The following SLC26A7 variants were observed in gnomAD, a reference collection of about 807,000 sequenced individuals.
SLC26A7 encodes solute carrier family 26 member 7, also known as anion exchange transporter.
Under a neutral mutation model 82.5 loss-of-function variants are expected in SLC26A7, and 59 were observed. The observed-to-expected ratio is 0.72, with a 90% CI of 0.58 to 0.89. The LOEUF (loss-of-function observed/expected upper bound fraction) is 0.89, where lower values mean the gene tolerates loss of function less well. Among genes scored for constraint, SLC26A7 ranks in the 40% least tolerant of loss-of-function variants. The pLI, the probability that SLC26A7 is intolerant of heterozygous loss-of-function variation, is 0.00. For synonymous variants in SLC26A7, 271 were observed against 274.3 expected (o/e 0.99, Z 0.12); for missense variants, 820 against 793.0 (o/e 1.03, Z -0.41).
At chr8:91,315,997 G>T (rs1812619371) in intron 4 of SLC26A7, among the ~76,000 whole-genome samples, 1 of 152,266 alleles carries the variant, frequency 6.6e-6, no homozygotes, top group Admixed American at 6.5e-5. Flanking sequence ...ACAAACCTAG[G>T]ATGTGGTAGA....
At chr8:91,279,125 G>GTGTGTATATATATATATATA (rs1382744780) in intron 2 of SLC26A7, among the ~76,000 whole-genome samples, 1 of 111,262 alleles carries the variant, frequency 9.0e-6, no homozygotes, top group Non-Finnish European at 1.7e-5. Flanking sequence ...GTGTGTGTGT[G>GTGTGTATATATATATATATA]TATATATATA....
At chr8:91,390,010 A>G (rs961905067) in intron 16 of SLC26A7, among the ~76,000 whole-genome samples, 1 of 152,176 alleles carries the variant, frequency 6.6e-6, no homozygotes, top group Non-Finnish European at 1.5e-5. Flanking sequence ...TAAAACTGAC[A>G]TAGCTTCCAA....
chr8:91,385,446 T>C (rs1288529164), intron 15 of SLC26A7, among the ~76,000 whole-genome samples: 1 of 152,226 alleles, frequency 6.6e-6, no homozygotes, highest in African/African-American at 2.4e-5. Context: ...TAAATTTTCA[T>C]TTGGGTGAAT....
intron 14 of SLC26A7, 64 bp from the exon 15 acceptor site, chr8:91,369,721 A>G (rs142599083): frequency 0.021 from 26,120 of 1,248,912 alleles, 308 homozygotes; most frequent in Middle Eastern, 0.027. Flanking sequence ...GAATTATGTG[A>G]TTTTTTTCAG....
In SLC26A7 at chr8:91,293,702, G is replaced by A. The variant is rs140589335; in HGVS notation, c.305-1829G>A. On this transcript the variant is annotated intron_variant, in intron 3 of 18. Coordinates refer to ENST00000276609, the MANE Select transcript of SLC26A7 (RefSeq NM_052832.4). ...TTCCTCCAAATCCCAGGAAAAACAGGCCTAAATTAAAAAATTAACTCATCT... is the reference window on the plus strand; with the variant it reads ...TTCCTCCAAATCCCAGGAAAAACAGACCTAAATTAAAAAATTAACTCATCT... 6.4e-4 allele frequency among the ~76,000 whole-genome samples: 98 copies of A among 152,190 alleles called. 1 individual carries two copies. Among genetic ancestry groups the A allele is most frequent in the African/African-American group, 2.2e-3 (92 of 41,516 alleles).
intron 2 of SLC26A7, among the ~76,000 whole-genome samples, chr8:91,235,729 A>T (rs1233214877): frequency 6.6e-6 from 1 of 152,218 alleles, no homozygotes; most frequent in Non-Finnish European, 1.5e-5. Context: ...ACTTCCAACA[A>T]TCATTGATTA....
At chr8:91,351,736 C>A in intron 9 of SLC26A7, 74 bp from the exon 10 acceptor site, 1 of 919,860 alleles carries the variant, frequency 1.1e-6, no homozygotes, top group Non-Finnish European at 1.8e-6. Flanking sequence ...ATTATCCCCC[C>A]CACCCCATAA....
At chr8:91,329,145 G>T (rs79427978) in intron 5 of SLC26A7, among the ~76,000 whole-genome samples, 3 of 152,120 alleles carry the variant, frequency 2.0e-5, no homozygotes, top group Non-Finnish European at 4.4e-5. Flanking sequence ...GCATGATAGT[G>T]TATTCAGATG....
At chr8:91,317,785 A>G in intron 4 of SLC26A7, among the ~76,000 whole-genome samples, 1 of 152,056 alleles carries the variant, frequency 6.6e-6, no homozygotes, top group South Asian at 2.1e-4. Flanking sequence ...ACATAGACCC[A>G]TACATTAAAC....
chr8:91,291,485 A>G (rs1431085445), intron 3 of SLC26A7, among the ~76,000 whole-genome samples: 1 of 152,212 alleles, frequency 6.6e-6, no homozygotes, highest in Non-Finnish European at 1.5e-5. Flanking sequence ...ATTTAAACAT[A>G]TCCTTAGCAA....
chr8:91,367,988 T>A (rs1814243944), intron 14 of SLC26A7, among the ~76,000 whole-genome samples: 2 of 152,228 alleles, frequency 1.3e-5, no homozygotes, highest in African/African-American at 4.8e-5. Context: ...CAGGATCAGA[T>A]ACGTAATTTA....
intron 5 of SLC26A7, among the ~76,000 whole-genome samples, chr8:91,333,381 T>C (rs1405033638): frequency 1.3e-5 from 2 of 152,230 alleles, no homozygotes; most frequent in East Asian, 3.8e-4. Flanking sequence ...CAAGCAGGGC[T>C]GCACACTTTT....
intron 12 of SLC26A7, among the ~76,000 whole-genome samples, chr8:91,363,050 A>T (rs749710908): frequency 8.3e-4 from 126 of 152,184 alleles, no homozygotes; most frequent in Admixed American, 3.3e-3. Context: ...GAAATAATGT[A>T]TTCTAAAAAA....
In SLC26A7 at chr8:91,349,259, A is replaced by G. The variant is rs149102457; in HGVS notation, c.1141-2551A>G. Among the ~76,000 whole-genome samples, 8 of 152,290 alleles carry G rather than the reference A, an allele frequency of 5.3e-5. 1 individual carries two copies. In the East Asian group the frequency reaches 1.4e-3, roughly 26 times the overall value. On this transcript the variant is annotated intron_variant, in intron 9 of 18. Coordinates refer to ENST00000276609, the MANE Select transcript of SLC26A7 (RefSeq NM_052832.4). ...AACATAACCCATTTGCTTATGGTCT[A>G]TTTCATTACATGACTTACCATTTAA...
chr8:91,363,856 C>A (rs1206414717), intron 13 of SLC26A7, among the ~76,000 whole-genome samples: 5 of 151,614 alleles, frequency 3.3e-5, no homozygotes, highest in Admixed American at 3.3e-4. Context: ...AGTAATCAAA[C>A]TAAACTGATA....
At position 91,271,590 on chromosome 8, in the gene SLC26A7, C is replaced by CTTT. The variant is rs67904308; in HGVS notation, c.194-17526_194-17524dup. 1.2e-3 allele frequency among the ~76,000 whole-genome samples: 140 copies of CTTT among 113,688 alleles called. 1 individual carries two copies. Among genetic ancestry groups the CTTT allele is most frequent in the African/African-American group, 1.8e-3 (54 of 29,224 alleles). 74.6% of individuals were successfully genotyped at this position (113,688 alleles called of 152,430 possible). On this transcript the variant is annotated intron_variant, in intron 2 of 18. Transcript: ENST00000276609. ...AGGCTCGGGGGTGGTCTAGAGAAAT[C>CTTT]TTTTTTTTTTTTTTTTTTTTTTGAG...
At chr8:91,317,652 TG>T (rs1812675731) in intron 4 of SLC26A7, among the ~76,000 whole-genome samples, 1 of 152,198 alleles carries the variant, frequency 6.6e-6, no homozygotes, top group African/African-American at 2.4e-5. Context: ...TCTTGAGGAA[TG>T]GCTTTCTTTC....
chr8:91,231,540 C>A (rs2130674444), intron 2 of SLC26A7, among the ~76,000 whole-genome samples: 1 of 151,670 alleles, frequency 6.6e-6, no homozygotes, highest in East Asian at 1.9e-4. Context: ...AAATACTTTT[C>A]TTTTCCTTTC....
chr8:91,221,996 A>G (rs1465600769), intron 2 of SLC26A7, among the ~76,000 whole-genome samples: 1 of 152,156 alleles, frequency 6.6e-6, no homozygotes, highest in Non-Finnish European at 1.5e-5. Context: ...GATTCTTCCT[A>G]TTCATGAGGA....
Sources: allele counts gnomAD v4.1 joint callset (sites outside exome capture counted in the v4.1 genomes callset), GRCh38; gene constraint gnomAD v4.1.1; transcripts MANE v1.5; gene names NCBI Gene and HGNC (gene_info 2026-07-23, HGNC 2026-07-21).